Variants in GALNTL6 observed in about 807,000 individuals in gnomAD.
GALNTL6 encodes polypeptide N-acetylgalactosaminyltransferase like 6.
GALNTL6 carries 46 observed loss-of-function variants against 73.7 expected under a neutral mutation model. That is an observed-to-expected ratio of 0.62 (90% CI 0.49 to 0.80). The LOEUF (loss-of-function observed/expected upper bound fraction) is 0.80, where lower values mean the gene tolerates loss of function less well. Among genes scored for constraint, GALNTL6 ranks in the 30% least tolerant of loss-of-function variants. The pLI, the probability that GALNTL6 is intolerant of heterozygous loss-of-function variation, is 0.00. For missense variants in GALNTL6, 604 were observed against 755.0 expected (o/e 0.80, Z 2.34); for synonymous variants, 259 against 263.7 (o/e 0.98, Z 0.17).
intron 10 of GALNTL6, among the ~76,000 whole-genome samples, chr4:173,000,179 C>T (rs965158452): frequency 3.3e-5 from 5 of 152,110 alleles, no homozygotes; most frequent in Admixed American, 6.5e-5. Context: ...AAGCATTATC[C>T]TTAATTTTAA....
intron 3 of GALNTL6, among the ~76,000 whole-genome samples, chr4:172,275,162 C>T (rs1738783927): frequency 6.6e-6 from 1 of 152,148 alleles, no homozygotes; most frequent in South Asian, 2.1e-4. Flanking sequence ...CAAATAAGTG[C>T]TGACCTATAA....
rs546803777 is a variant in GALNTL6 at position 172,166,956 on chromosome 4, G to A, written c.139-62700G>A. 1.7e-3 allele frequency among the ~76,000 whole-genome samples: 255 copies of A among 152,288 alleles called. 1 individual carries two copies. Among genetic ancestry groups the A allele is most frequent in the African/African-American group, 5.5e-3 (230 of 41,564 alleles). On this transcript the variant is annotated intron_variant, in intron 2 of 12. Transcript: ENST00000506823. Reference sequence around the variant, plus strand: ...AAGGGGACAAGCCATTCTGAACAGAGCATTGGAGTAGGAATCAGAACTCCT... The same window carrying A: ...AAGGGGACAAGCCATTCTGAACAGAACATTGGAGTAGGAATCAGAACTCCT...
intron 5 of GALNTL6, among the ~76,000 whole-genome samples, chr4:172,703,715 T>G (rs932636744): frequency 6.6e-6 from 1 of 152,000 alleles, no homozygotes; most frequent in African/African-American, 2.4e-5. Context: ...GTACAATGAA[T>G]TTGGGAGAAC....
chr4:172,107,267 G>A (rs886594917), intron 2 of GALNTL6, among the ~76,000 whole-genome samples: 1 of 152,150 alleles, frequency 6.6e-6, no homozygotes, highest in Non-Finnish European at 1.5e-5. Flanking sequence ...TTTACTAGAA[G>A]GTGGAGATAT....
intron 5 of GALNTL6, among the ~76,000 whole-genome samples, chr4:172,494,834 T>A (rs1283957097): frequency 6.6e-6 from 1 of 152,216 alleles, no homozygotes; most frequent in East Asian, 1.9e-4. Context: ...CACTGGCAGC[T>A]GATTAGGTGG....
At chr4:172,198,779 C>A (rs568932341) in intron 2 of GALNTL6, among the ~76,000 whole-genome samples, 18 of 152,304 alleles carry the variant, frequency 1.2e-4, no homozygotes, top group African/African-American at 4.3e-4. Context: ...GCCTACTTGC[C>A]TCTCCCAGCA....
At chr4:172,717,569 T>C (rs375478189) in intron 5 of GALNTL6, among the ~76,000 whole-genome samples, 1 of 152,202 alleles carries the variant, frequency 6.6e-6, no homozygotes, top group Non-Finnish European at 1.5e-5. Flanking sequence ...TTGATATACA[T>C]TGGAAAATCC....
chr4:172,139,348 C>A (rs1050935439), intron 2 of GALNTL6, among the ~76,000 whole-genome samples: 1 of 152,146 alleles, frequency 6.6e-6, no homozygotes, highest in African/African-American at 2.4e-5. Flanking sequence ...AAATTTCAGA[C>A]AAATGCATAG....
At chr4:172,278,386 C>A (rs1482573793) in intron 3 of GALNTL6, among the ~76,000 whole-genome samples, 1 of 152,126 alleles carries the variant, frequency 6.6e-6, no homozygotes, top group Non-Finnish European at 1.5e-5. Flanking sequence ...CCCATAAAAA[C>A]AGCTTTAAAA....
At chr4:172,915,278 G>A (rs1747441404) in intron 8 of GALNTL6, among the ~76,000 whole-genome samples, 1 of 152,126 alleles carries the variant, frequency 6.6e-6, no homozygotes, top group African/African-American at 2.4e-5. Flanking sequence ...AACACTAAAT[G>A]CCCACAAGAG....
rs796491670 is a variant in GALNTL6, at chr4:172,744,847, G to A, written c.554-64514G>A. 4.0e-3 allele frequency among the ~76,000 whole-genome samples: 593 copies of A among 149,214 alleles called. 4 individuals carry two copies. The highest frequency in any genetic ancestry group is 0.012 in the African/African-American group (486 of 39,502). On this transcript the variant is annotated intron_variant, in intron 5 of 12. Coordinates refer to ENST00000506823, the MANE Select transcript of GALNTL6 (RefSeq NM_001034845.3). ...ATTTTAAGAGTGCGCGTGCGTGTGT[G>A]TGTGTGTGTGTGTGTGTGTGTGTGT...
intron 5 of GALNTL6, among the ~76,000 whole-genome samples, chr4:172,592,670 G>GCCTATCTA (rs1553963438): frequency 7.0e-6 from 1 of 141,976 alleles, no homozygotes; most frequent in African/African-American, 2.7e-5. Context: ...CTGTCTGTCT[G>GCCTATCTA]TCTATCTATC....
chr4:172,136,639 A>G (rs1733644936), intron 2 of GALNTL6, among the ~76,000 whole-genome samples: 1 of 151,810 alleles, frequency 6.6e-6, no homozygotes, highest in African/African-American at 2.4e-5. Flanking sequence ...AATTTTGAAA[A>G]TGTTAATTTA....
At chr4:172,608,298 AT>A (rs1738385231) in intron 5 of GALNTL6, among the ~76,000 whole-genome samples, 1 of 151,972 alleles carries the variant, frequency 6.6e-6, no homozygotes, top group Admixed American at 6.6e-5. Context: ...ACCTTGAGTT[AT>A]TTTTTTATAT....
chr4:172,000,830 C>T (rs891037481), intron 2 of GALNTL6, among the ~76,000 whole-genome samples: 4 of 152,064 alleles, frequency 2.6e-5, no homozygotes, highest in Admixed American at 6.6e-5. Context: ...ATGCTCTTCC[C>T]GTTGTGTAGC....
chr4:172,886,274 G>T (rs1488452303), intron 8 of GALNTL6, among the ~76,000 whole-genome samples: 1 of 152,122 alleles, frequency 6.6e-6, no homozygotes, highest in Non-Finnish European at 1.5e-5. Flanking sequence ...TTCATAGGTT[G>T]TGTATTTACA....
chr4:172,663,307 T>C (rs1731478356), intron 5 of GALNTL6, among the ~76,000 whole-genome samples: 1 of 152,144 alleles, frequency 6.6e-6, no homozygotes, highest in South Asian at 2.1e-4. Context: ...GCTAATCTAA[T>C]GGGGGTTACT....
chr4:171,926,284 A>T (rs1326766046), intron 2 of GALNTL6, among the ~76,000 whole-genome samples: 1 of 152,102 alleles, frequency 6.6e-6, no homozygotes, highest in East Asian at 1.9e-4. Context: ...TGTGCTTGTT[A>T]TTTGGCAATG....
intron 2 of GALNTL6, among the ~76,000 whole-genome samples, chr4:172,165,888 T>A (rs947070471): frequency 1.3e-5 from 2 of 151,988 alleles, no homozygotes; most frequent in African/African-American, 4.8e-5. Flanking sequence ...CAACTGCAGG[T>A]AGATCAGTGG....
Sources: gnomAD v4.1 joint callset for allele counts (sites outside exome capture counted in the v4.1 genomes callset) on GRCh38, gnomAD v4.1.1 for gene constraint, MANE v1.5 for transcripts, NCBI Gene and HGNC (gene_info 2026-07-23, HGNC 2026-07-21) for gene names.